The following GNL1 variants were observed in gnomAD, a reference collection of about 807,000 sequenced individuals.
The protein encoded by GNL1 is guanine nucleotide-binding protein-like 1.
In GNL1, 21 loss-of-function variants were observed where a neutral mutation model predicts 75.2. That is an observed-to-expected ratio of 0.28 (90% CI 0.20 to 0.40). The LOEUF is 0.40. Ranked by LOEUF, GNL1 falls within the 10% of genes least tolerant of loss-of-function variation. The probability of loss-of-function intolerance (pLI) is 1.00; values close to 1 mark genes in which losing one functional copy is unlikely to be tolerated. For missense variants in GNL1, 579 were observed against 775.0 expected (o/e 0.75, Z 3.00); for synonymous variants, 287 against 303.4 (o/e 0.95, Z 0.56).
chr6:30,556,107 C>T lies in GNL1; in HGVS notation c.73+24G>A. The T allele has an allele frequency of 6.3e-7, 1 of 1,597,694 alleles. No homozygotes were observed. The highest frequency in any genetic ancestry group is 8.5e-7 in the Non-Finnish European group (1 of 1,175,652). On this transcript the variant is annotated intron_variant, in intron 1 of 11. Coordinates refer to ENST00000376621, the MANE Select transcript of GNL1 (RefSeq NM_005275.5). The surrounding 1 kb of genome is among the most constrained non-coding windows in gnomAD (Gnocchi z 5.7). Reference sequence around the variant, plus strand: ...GATGTGCGGAAGCCCGAGCCCCGCCCCCTCCTCCCGCTCCCGCACTGACCT... The same window carrying T: ...GATGTGCGGAAGCCCGAGCCCCGCCTCCTCCTCCCGCTCCCGCACTGACCT...
chr6:30,547,809 T>G lies in GNL1; in HGVS notation c.1100-279A>C. ...GGTCAGGATTAAATGAGATAACCAA[T>G]ACAACTTGTGTGGGTCAGTGCCTGC... is the stretch of plus-strand genomic sequence containing the variant. On this transcript the variant is annotated intron_variant, in intron 8 of 11. Transcript: ENST00000376621. The surrounding 1 kb of genome is among the most constrained non-coding windows in gnomAD (Gnocchi z 5.5). The G allele has an allele frequency of 2.0e-6, 1 of 498,756 alleles. No individual in the cohort carries two copies. Among genetic ancestry groups the G allele is most frequent in the Non-Finnish European group, 3.5e-6 (1 of 285,164 alleles). The allele number at this position is 498,756 out of a possible 1,614,324, so 30.9% of individuals were successfully genotyped here.
rs542378583 is a variant in GNL1, at chr6:30,555,981, G to C, written c.73+150C>G. 8.1e-5 allele frequency: 80 copies of C among 991,046 alleles called. No homozygotes were observed. The highest frequency in any genetic ancestry group is 1.2e-4 in the Non-Finnish European group (79 of 660,318). 61.4% of individuals were successfully genotyped at this position (991,046 alleles called of 1,614,324 possible). A position where few individuals can be genotyped will look rare whatever the true frequency, so the allele number is the denominator to read the frequency against. On this transcript the variant is annotated intron_variant, in intron 1 of 11. Transcript: ENST00000376621. This position sits in a 1 kb window ranked among gnomAD's most constrained non-coding sequence, Gnocchi z 4.3. ...TTCCCCACCCCTTCCAGATGTAGGGGGGGTGGGGGATCCCCTCCGCGATAG... is the reference window on the plus strand; with the variant it reads ...TTCCCCACCCCTTCCAGATGTAGGGCGGGTGGGGGATCCCCTCCGCGATAG...
chr6:30,556,234 G>A lies in GNL1; in HGVS notation c.-31C>T. 6.3e-7 allele frequency: 1 copy of A among 1,599,150 alleles called. No individual in the cohort carries two copies. Among genetic ancestry groups the A allele is most frequent in the Non-Finnish European group, 8.5e-7 (1 of 1,179,198 alleles). On this transcript the variant is annotated 5_prime_UTR_variant, in exon 1 of 12. Coordinates refer to ENST00000376621, the MANE Select transcript of GNL1 (RefSeq NM_005275.5). The surrounding 1 kb of genome is among the most constrained non-coding windows in gnomAD (Gnocchi z 5.7). ...GGACCAGTCACCTGGCCCGCCCTCC[G>A]CCGAGCTCCCGCCGCCTCAACTGAC...
chr6:30,552,926 G>A lies in GNL1; in HGVS notation c.904+158C>T, dbSNP rs1452938641. The stretch of plus-strand genomic sequence containing the variant: ...GGCTCCTGACTACCTGCTGCCTCTC[G>A]TCCCACCAAGTCAGTCTGCTCCTTA... On this transcript the variant is annotated intron_variant, in intron 7 of 11. Transcript: ENST00000376621. This position sits in a 1 kb window ranked among gnomAD's most constrained non-coding sequence, Gnocchi z 4.5. Among the ~76,000 whole-genome samples the A allele has an allele frequency of 2.0e-5, 3 of 152,168 alleles. No homozygotes were observed. Among genetic ancestry groups the A allele is most frequent in the Non-Finnish European group, 2.9e-5 (2 of 68,030 alleles).
At chr6:30,550,068 C>G (rs566769671) in intron 8 of GNL1, among the ~76,000 whole-genome samples, 5 of 152,236 alleles carry the variant, frequency 3.3e-5, no homozygotes, top group Admixed American at 3.3e-4. Context: ...TCAAGTGATC[C>G]ACCTGCCTCA....
At position 30,546,067 on chromosome 6, in the gene GNL1, G is replaced by A. The variant is rs1327027698; in HGVS notation, c.*5C>T. 2 of 1,589,176 alleles carry A rather than the reference G, an allele frequency of 1.3e-6. No individual in the cohort carries two copies. Among genetic ancestry groups the A allele is most frequent in the Non-Finnish European group, 8.6e-7 (1 of 1,167,112 alleles). ...TGGGAGGGAAGATGGCGCTGGGCGA[G>A]GAACTCAGCACTCATCCTCACCCAG... On this transcript the variant is annotated 3_prime_UTR_variant, in exon 12 of 12. Transcript: ENST00000376621. The surrounding 1 kb of genome is among the most constrained non-coding windows in gnomAD (Gnocchi z 5.1).
At position 30,545,670 on chromosome 6, in the gene GNL1, T is replaced by C. The variant is rs1799402952; in HGVS notation, c.*402A>G. The C allele has an allele frequency of 4.3e-6, 1 of 230,322 alleles. No homozygotes were observed. The highest frequency in any genetic ancestry group is 8.5e-6 in the Non-Finnish European group (1 of 118,268). The allele number at this position is 230,322 out of a possible 1,614,324, so 14.3% of individuals were successfully genotyped here. On this transcript the variant is annotated 3_prime_UTR_variant, in exon 12 of 12. Coordinates refer to ENST00000376621, the MANE Select transcript of GNL1 (RefSeq NM_005275.5). ...CCCAGAAGCTCCTGGAATGAGCAGG[T>C]CTGGCGGCAGGGGGCACACAGGGCT...
Position 30,546,046 on chromosome 6 carries a change from AG to A in GNL1, c.*25del, listed in dbSNP as rs760616802. The A allele has an allele frequency of 1.2e-5, 19 of 1,552,002 alleles. No homozygotes were observed. The Admixed American group carries it at 2.0e-4, about 16-fold the overall frequency. Reference sequence around the variant, plus strand: ...TCAGTCCAAAAGCAAAGATACTGGGAGGGAAGATGGCGCTGGGCGAGGAACT... The same window carrying A: ...TCAGTCCAAAAGCAAAGATACTGGGAGGAAGATGGCGCTGGGCGAGGAACT... On this transcript the variant is annotated 3_prime_UTR_variant, in exon 12 of 12. Transcript: ENST00000376621. The surrounding 1 kb of genome is among the most constrained non-coding windows in gnomAD (Gnocchi z 5.1).
rs752894283 is a variant in GNL1, at chr6:30,546,228, T to TTCC, written c.1665_1667dup (p.Glu559dup). The TTCC allele has an allele frequency of 9.0e-6, 14 of 1,562,408 alleles. No homozygotes were observed. Among genetic ancestry groups the TTCC allele is most frequent in the African/African-American group, 1.4e-5 (1 of 73,460 alleles). ...CACAGGAGCTGCTCAGCTCTTCCTC[T>TTCC]TCCTCCTCCTCCTCGTCACCTGCTG... On this transcript the variant is annotated inframe_insertion, in exon 12 of 12. Transcript: ENST00000376621. This position sits in a 1 kb window ranked among gnomAD's most constrained non-coding sequence, Gnocchi z 5.1.
intron 8 of GNL1, among the ~76,000 whole-genome samples, chr6:30,550,287 A>G (rs1799692225): frequency 6.6e-6 from 1 of 151,972 alleles, no homozygotes; most frequent in Non-Finnish European, 1.5e-5. Flanking sequence ...AGAATCTGAA[A>G]TTTCATTTCT....
chr6:30,556,065 G>T lies in GNL1; in HGVS notation c.73+66C>A, dbSNP rs576039195. The T allele has an allele frequency of 8.9e-6, 14 of 1,565,322 alleles. No homozygotes were observed. Among genetic ancestry groups the T allele is most frequent in the Non-Finnish European group, 1.2e-5 (14 of 1,149,816 alleles). On this transcript the variant is annotated intron_variant, in intron 1 of 11. Transcript: ENST00000376621. The surrounding 1 kb of genome is among the most constrained non-coding windows in gnomAD (Gnocchi z 5.7). ...CCCACGATCCCCAGAGGTGCAGCGG[G>T]CACACCCCTCCTTCCAGATGTGCGG...
At position 30,544,416 on chromosome 6, in the gene GNL1, C is replaced by A. The variant is rs1057186344; in HGVS notation, c.*1656G>T. On this transcript the variant is annotated 3_prime_UTR_variant, in exon 12 of 12. Transcript: ENST00000376621. ...TGAGGAAATGAATCCAATGTCCTCA[C>A]CCCACCTCCTGCAGCGGAGAAGTCC... The A allele has an allele frequency of 2.0e-5, 3 of 152,264 alleles. No homozygotes were observed. Among genetic ancestry groups the A allele is most frequent in the Non-Finnish European group, 4.4e-5 (3 of 68,068 alleles). The allele number at this position is 152,264 out of a possible 1,614,324, so 9.4% of individuals were successfully genotyped here.
Position 30,555,704 on chromosome 6 carries a change from C to T in GNL1, c.90G>A (p.Leu30=). ...CGCTGCGGCTGTTGGAACTGGAGCG[C>T]AGCCCATCTTGAAGCCCTGCGGGGA... ...RERKRGLQDG[L]RSSSNSRSGS... The change falls in exon 2 of 12, where the codon CTG becomes CTA. Residue 30 remains leucine, a synonymous_variant. Transcript: ENST00000376621. This position sits in a 1 kb window ranked among gnomAD's most constrained non-coding sequence, Gnocchi z 4.3. The T allele has an allele frequency of 6.2e-7, 1 of 1,613,576 alleles. No individual in the cohort carries two copies. Among genetic ancestry groups the T allele is most frequent in the Non-Finnish European group, 8.5e-7 (1 of 1,179,936 alleles).
chr6:30,556,302 G>A lies in GNL1; in HGVS notation c.-99C>T. On this transcript the variant is annotated 5_prime_UTR_variant, in exon 1 of 12. Transcript: ENST00000376621. This position sits in a 1 kb window ranked among gnomAD's most constrained non-coding sequence, Gnocchi z 5.7. ...CCCGCCGCAGGGGCCCGGGACCCTA[G>A]AGGAGGCGGGGCTAGCAGGTGACGT... The A allele has an allele frequency of 3.6e-6, 5 of 1,393,622 alleles. No homozygotes were observed. The Middle Eastern group carries it at 5.3e-4, about 148-fold the overall frequency. 86.3% of individuals were successfully genotyped at this position (1,393,622 alleles called of 1,614,324 possible).
Position 30,548,792 on chromosome 6 carries a change from T to TTGAC in GNL1, c.1100-1266_1100-1263dup, listed in dbSNP as rs1799590876. Among the ~76,000 whole-genome samples the TTGAC allele has an allele frequency of 1.3e-5, 2 of 152,174 alleles. No homozygotes were observed. ...GAAGGAGGGAGAAAAAAGTTCTCCT[T>TTGAC]TGACGACCACCACCAGACCTAGTTC... On this transcript the variant is annotated intron_variant, in intron 8 of 11. Coordinates refer to ENST00000376621, the MANE Select transcript of GNL1 (RefSeq NM_005275.5). The surrounding 1 kb of genome is among the most constrained non-coding windows in gnomAD (Gnocchi z 4.2).
intron 6 of GNL1, 26 bp downstream of exon 6, chr6:30,553,324 G>A (rs377256021): frequency 6.3e-7 from 1 of 1,580,212 alleles, no homozygotes; most frequent in East Asian, 2.2e-5. Flanking sequence ...CCTCTCCCAA[G>A]TTGCCCTCTC....
chr6:30,554,840 C>T lies in GNL1; in HGVS notation c.452G>A (p.Ser151Asn). The T allele has an allele frequency of 1.2e-6, 2 of 1,611,832 alleles. No homozygotes were observed. Among genetic ancestry groups the T allele is most frequent in the Non-Finnish European group, 1.7e-6 (2 of 1,178,930 alleles). ...AATCTTCCCAAGATAGTCTTGGAAG[C>T]TCCGTTCCTCTTGGCTCATTAGTTG... ...KEQLMSQEER[S>N]FQDYLGKIHG... The change falls in exon 4 of 12, where the codon AGC becomes AAC. Residue 151 changes from serine (S) to asparagine (N), a missense_variant. Physicochemically the swap from Ser to Asn is conservative, Grantham distance 46. Transcript: ENST00000376621.
chr6:30,551,874 C>CT (rs1048217297), intron 8 of GNL1, among the ~76,000 whole-genome samples: 21 of 151,376 alleles, frequency 1.4e-4, no homozygotes, highest in Admixed American at 2.6e-4. Flanking sequence ...CACATCCATT[C>CT]TTTTTTTTTA....
At position 30,555,691 on chromosome 6, in the gene GNL1, T is replaced by C; in HGVS notation, c.103A>G (p.Asn35Asp). The change falls in exon 2 of 12, where the codon AAC (asparagine) becomes GAC (aspartate). Residue 35 changes from asparagine to aspartate, a missense_variant. Coordinates refer to ENST00000376621, the MANE Select transcript of GNL1 (RefSeq NM_005275.5). The surrounding 1 kb of genome is among the most constrained non-coding windows in gnomAD (Gnocchi z 4.3). ...GLQDGLRSSS[N>D]SRSGSRERRE... ...CGCTCCCGGCTCCCGCTGCGGCTGT[T>C]GGAACTGGAGCGCAGCCCATCTTGA... 1.2e-6 allele frequency: 2 copies of C among 1,613,648 alleles called. No homozygotes were observed. Among genetic ancestry groups the C allele is most frequent in the South Asian group, 1.1e-5 (1 of 91,064 alleles).
Sources: gnomAD v4.1 joint callset for allele counts (sites outside exome capture counted in the v4.1 genomes callset) on GRCh38, gnomAD v4.1.1 for gene constraint, Gnocchi (gnomAD v3.1) non-coding constraint, MANE v1.5 for transcripts, NCBI Gene and HGNC (gene_info 2026-07-23, HGNC 2026-07-21) for gene names.